Variants in PHACTR4 observed in about 807,000 individuals in gnomAD.
PHACTR4 encodes phosphatase and actin regulator 4.
Under a neutral mutation model 72.7 loss-of-function variants are expected in PHACTR4, and 51 were observed. That is an observed-to-expected ratio of 0.70 (90% confidence interval 0.56 to 0.89). The LOEUF is 0.89. Ranked by LOEUF, PHACTR4 falls within the 40% of genes least tolerant of loss-of-function variation. The pLI, the probability that PHACTR4 is intolerant of heterozygous loss-of-function variation, is 0.00. For missense variants in PHACTR4, 731 were observed against 861.8 expected (o/e 0.85, Z 1.90); for synonymous variants, 255 against 302.5 (o/e 0.84, Z 1.63).
intron 1 of PHACTR4, among the ~76,000 whole-genome samples, chr1:28,387,649 G>A (rs1652664857): frequency 6.6e-6 from 1 of 152,150 alleles, no homozygotes; most frequent in Non-Finnish European, 1.5e-5. Context: ...ACTTTGCGGG[G>A]GCTGAGGCTG....
intron 1 of PHACTR4, among the ~76,000 whole-genome samples, chr1:28,389,329 T>C (rs1418168765): frequency 6.6e-6 from 1 of 152,124 alleles, no homozygotes; most frequent in Non-Finnish European, 1.5e-5. Context: ...AGAATGGTTT[T>C]TATCAGAAAG....
intron 1 of PHACTR4, among the ~76,000 whole-genome samples, chr1:28,378,226 G>A (rs960967906): frequency 1.0e-5 from 1 of 99,880 alleles, no homozygotes; most frequent in African/African-American, 4.8e-5. Context: ...ATTTGGCCAG[G>A]CGCAGTGGCT....
chr1:28,462,798 G>A (rs1170573086), intron 4 of PHACTR4, among the ~76,000 whole-genome samples: 1 of 152,168 alleles, frequency 6.6e-6, no homozygotes, highest in Non-Finnish European at 1.5e-5. Context: ...AATGACCTAA[G>A]CTTTATTCTG....
At chr1:28,378,821 G>A (rs1651911399) in intron 1 of PHACTR4, among the ~76,000 whole-genome samples, 1 of 151,840 alleles carries the variant, frequency 6.6e-6, no homozygotes, top group Non-Finnish European at 1.5e-5. Flanking sequence ...GGAATATGAA[G>A]AAATAAAGGG....
intron 1 of PHACTR4, among the ~76,000 whole-genome samples, chr1:28,389,892 A>G (rs1557780913): frequency 6.6e-6 from 1 of 152,236 alleles, no homozygotes; most frequent in African/African-American, 2.4e-5. Context: ...AAATGAAATC[A>G]GTATGTTGAG....
chr1:28,416,839 C>T (rs1442154391), intron 2 of PHACTR4, among the ~76,000 whole-genome samples: 2 of 152,090 alleles, frequency 1.3e-5, no homozygotes, highest in East Asian at 3.9e-4. Flanking sequence ...AATCCATTTT[C>T]TCTTTTATAG....
At chr1:28,379,429 C>T (rs765006214) in intron 1 of PHACTR4, among the ~76,000 whole-genome samples, 3 of 150,450 alleles carry the variant, frequency 2.0e-5, no homozygotes, top group Non-Finnish European at 3.0e-5. Flanking sequence ...CGGGCCACCA[C>T]GCCAGGCTGA....
intron 8 of PHACTR4, among the ~76,000 whole-genome samples, chr1:28,479,873 A>G (rs939698132): frequency 6.6e-6 from 1 of 152,232 alleles, no homozygotes; most frequent in African/African-American, 2.4e-5. Context: ...AGCCTGGGCA[A>G]CAAGAGCAAA....
chr1:28,480,566 GA>G lies in PHACTR4; in HGVS notation c.1724del (p.Asn575MetfsTer11). On this transcript the variant is annotated frameshift_variant, in exon 9 of 14. Coordinates refer to ENST00000373839, the MANE Select transcript of PHACTR4 (RefSeq NM_001048183.3). LOFTEE classifies it high-confidence loss of function. ...SWPCKSKEEW[N>X]EIRHQIGNTL... The stretch of plus-strand genomic sequence containing the variant: ...GGCCTTGTAAAAGCAAGGAGGAGTG[GA>G]ATGAAATACGGCACCAGATTGGAAA... The G allele has an allele frequency of 6.2e-7, 1 of 1,614,186 alleles. No homozygotes were observed. Among genetic ancestry groups the G allele is most frequent in the Non-Finnish European group, 8.5e-7 (1 of 1,180,034 alleles).
At chr1:28,447,578 A>G (rs1657577274) in intron 2 of PHACTR4, among the ~76,000 whole-genome samples, 1 of 151,602 alleles carries the variant, frequency 6.6e-6, no homozygotes, top group South Asian at 2.1e-4. Context: ...TTCTACTTGC[A>G]AGTAAACTTT....
intron 2 of PHACTR4, among the ~76,000 whole-genome samples, chr1:28,409,697 G>A (rs570609267): frequency 2.2e-4 from 33 of 152,032 alleles, no homozygotes; most frequent in African/African-American, 8.0e-4. Context: ...AGGCTTTTTG[G>A]GCTACTAGTA....
intron 2 of PHACTR4, among the ~76,000 whole-genome samples, chr1:28,444,739 C>T (rs144743446): frequency 0.018 from 2,655 of 149,364 alleles, 82 homozygotes; most frequent in African/African-American, 0.057. Context: ...CCTCAGCCTC[C>T]CAAGTAGCTA....
At chr1:28,374,735 A>G (rs1651508259) in intron 1 of PHACTR4, among the ~76,000 whole-genome samples, 1 of 152,170 alleles carries the variant, frequency 6.6e-6, no homozygotes, top group African/African-American at 2.4e-5. Context: ...GAAAACAAGT[A>G]TTTTCCCTCT....
intron 1 of PHACTR4, among the ~76,000 whole-genome samples, chr1:28,377,107 T>C (rs1651740588): frequency 6.6e-6 from 1 of 151,922 alleles, no homozygotes; most frequent in Non-Finnish European, 1.5e-5. Flanking sequence ...ATTTTGTATT[T>C]TTAGTAGAGA....
intron 2 of PHACTR4, among the ~76,000 whole-genome samples, chr1:28,427,284 G>T (rs929459815): frequency 2.0e-5 from 3 of 152,074 alleles, no homozygotes; most frequent in Admixed American, 2.0e-4. Context: ...CCAGCACTTC[G>T]GGAGGCAGCG....
At chr1:28,400,621 C>A (rs1039804233) in intron 1 of PHACTR4, among the ~76,000 whole-genome samples, 1 of 151,622 alleles carries the variant, frequency 6.6e-6, no homozygotes, top group Non-Finnish European at 1.5e-5. Context: ...ACTCTGTCAC[C>A]CAGGCTGGAG....
At chr1:28,400,755 G>C (rs1004406148) in intron 1 of PHACTR4, among the ~76,000 whole-genome samples, 2 of 151,944 alleles carry the variant, frequency 1.3e-5, no homozygotes, top group African/African-American at 4.8e-5. Flanking sequence ...AATTTTTGTA[G>C]TTTTAGTAGA....
At chr1:28,460,439 C>T in intron 4 of PHACTR4, 147 bp downstream of exon 4, 1 of 587,416 alleles carries the variant, frequency 1.7e-6, no homozygotes. Flanking sequence ...TTCACCCTTC[C>T]TTCCTTGGGG....
chr1:28,370,008 C>T (rs1192565241), intron 1 of PHACTR4, among the ~76,000 whole-genome samples, 183 bp downstream of exon 1: 1 of 152,278 alleles, frequency 6.6e-6, no homozygotes, highest in South Asian at 2.1e-4. Context: ...CTCCTCGGCC[C>T]TCCCACAACG....
Sources: gnomAD v4.1 joint callset for allele counts (sites outside exome capture counted in the v4.1 genomes callset) on GRCh38, gnomAD v4.1.1 for gene constraint, MANE v1.5 for transcripts, NCBI Gene and HGNC (gene_info 2026-07-23, HGNC 2026-07-21) for gene names.